AOPEP: variants seen among roughly 807,000 people sequenced by gnomAD.
The protein encoded by AOPEP is aminopeptidase O (putative).
AOPEP carries 77 observed loss-of-function variants against 98.1 expected under a neutral mutation model. The ratio of observed to expected loss-of-function variants is 0.78; its 90% CI spans 0.65 to 0.95. The LOEUF is 0.95. AOPEP is among the 40% of genes least tolerant of loss of function. The probability of loss-of-function intolerance (pLI) is 0.00; values close to 1 mark genes in which losing one functional copy is unlikely to be tolerated. For synonymous variants in AOPEP, 346 were observed against 365.3 expected (o/e 0.95, Z 0.60); for missense variants, 1,024 against 1,024.7 (o/e 1.00, Z 0.01).
chr9:95,101,807 A>G, the AOPEP span: 1 of 1,614,136 alleles, frequency 6.2e-7, no homozygotes, highest in Non-Finnish European at 8.5e-7. Context: ...GGTCTGGTCA[A>G]GAAAGCCAAT....
chr9:94,754,149 A>G (rs997186991), intron 1 of AOPEP, among the ~76,000 whole-genome samples: 1 of 152,234 alleles, frequency 6.6e-6, no homozygotes, highest in African/African-American at 2.4e-5. Context: ...ACAAAACAGT[A>G]TATTTGAACT....
chr9:95,023,610 C>T (rs921610521), intron 13 of AOPEP, among the ~76,000 whole-genome samples: 3 of 152,182 alleles, frequency 2.0e-5, no homozygotes, highest in Non-Finnish European at 4.4e-5. Context: ...GTCTGGTTAT[C>T]CACAAAAAAA....
chr9:95,094,272 G>C, the AOPEP span, among the ~76,000 whole-genome samples: 1 of 152,192 alleles, frequency 6.6e-6, no homozygotes, highest in South Asian at 2.1e-4. Context: ...AGGAGAACTG[G>C]GTGTCTGCTC....
intron 2 of AOPEP, among the ~76,000 whole-genome samples, chr9:94,768,506 C>T (rs948334230): frequency 6.6e-6 from 1 of 152,206 alleles, no homozygotes; most frequent in Non-Finnish European, 1.5e-5. Context: ...CCTAGCTGAC[C>T]TCTTACCTTG....
At chr9:95,017,694 TTTG>T (rs1264217618) in intron 13 of AOPEP, among the ~76,000 whole-genome samples, 1 of 152,108 alleles carries the variant, frequency 6.6e-6, no homozygotes, top group African/African-American at 2.4e-5. Context: ...CCACAGACAG[TTTG>T]TTGAGTTTTA....
intron 5 of AOPEP, among the ~76,000 whole-genome samples, chr9:94,804,387 AT>A (rs1461751851): frequency 2.6e-5 from 4 of 152,134 alleles, no homozygotes; most frequent in African/African-American, 9.7e-5. Flanking sequence ...TTGTATTTGA[AT>A]TTCAAGAATC....
chr9:95,026,424 A>G (rs924250326), intron 13 of AOPEP, among the ~76,000 whole-genome samples: 1 of 152,124 alleles, frequency 6.6e-6, no homozygotes, highest in East Asian at 1.9e-4. Flanking sequence ...GTTTCTGGAC[A>G]TTTCATATCA....
intron 11 of AOPEP, among the ~76,000 whole-genome samples, chr9:95,000,784 T>C (rs2132570082): frequency 6.6e-6 from 1 of 152,352 alleles, no homozygotes; most frequent in East Asian, 1.9e-4. Flanking sequence ...TCTGTTATTT[T>C]TGAAACTTAA....
intron 14 of AOPEP, among the ~76,000 whole-genome samples, chr9:95,072,701 T>G: frequency 6.6e-6 from 1 of 152,184 alleles, no homozygotes; most frequent in East Asian, 1.9e-4. Context: ...AGCTTTCCTA[T>G]TTCCAAGAAA....
the AOPEP span, among the ~76,000 whole-genome samples, chr9:95,117,005 C>G: frequency 6.6e-6 from 1 of 152,224 alleles, no homozygotes; most frequent in African/African-American, 2.4e-5. Context: ...TAGCCTGTTC[C>G]TGGCATCTGG....
At chr9:95,041,624 A>C (rs550243551) in intron 13 of AOPEP, among the ~76,000 whole-genome samples, 1 of 152,146 alleles carries the variant, frequency 6.6e-6, no homozygotes, top group Non-Finnish European at 1.5e-5. Context: ...GATGGCTTGA[A>C]TATTTCTTAC....
the AOPEP span, among the ~76,000 whole-genome samples, chr9:95,102,918 C>A: frequency 1.3e-5 from 2 of 152,348 alleles, no homozygotes; most frequent in East Asian, 3.9e-4. Context: ...GCAACGAGCC[C>A]GCCAGGGTCA....
At chr9:94,857,603 A>G (rs538712819) in intron 5 of AOPEP, among the ~76,000 whole-genome samples, 2 of 152,264 alleles carry the variant, frequency 1.3e-5, no homozygotes, top group South Asian at 4.1e-4. Context: ...ATTAAAATTT[A>G]TATTTCTACC....
chr9:95,068,125 A>C, intron 14 of AOPEP, among the ~76,000 whole-genome samples: 1 of 152,242 alleles, frequency 6.6e-6, no homozygotes, highest in East Asian at 1.9e-4. Context: ...AACTATTGTG[A>C]ATAATGCTGC....
chr9:94,836,934 TA>T (rs1395994977), intron 5 of AOPEP, among the ~76,000 whole-genome samples: 4 of 152,090 alleles, frequency 2.6e-5, no homozygotes, highest in African/African-American at 9.7e-5. Context: ...AATTATTTTT[TA>T]AAAAAATTTT....
At chr9:94,801,185 G>A (rs1027096344) in intron 5 of AOPEP, among the ~76,000 whole-genome samples, 183 bp downstream of exon 5, 6 of 152,158 alleles carry the variant, frequency 3.9e-5, no homozygotes, top group Non-Finnish European at 7.3e-5. Flanking sequence ...CCTCATGCAC[G>A]AGCCTTTGAG....
the AOPEP span, among the ~76,000 whole-genome samples, chr9:95,094,831 A>T: frequency 0.2 from 30,154 of 151,970 alleles, 3,138 homozygotes; most frequent in Middle Eastern, 0.32. Context: ...ATGCCCAGCT[A>T]ATTTTTGTAT....
chr9:95,097,835 C>T, the AOPEP span, among the ~76,000 whole-genome samples: 1 of 152,132 alleles, frequency 6.6e-6, no homozygotes, highest in Non-Finnish European at 1.5e-5. Context: ...TAGGAGGAGG[C>T]TTGAAGACAT....
In AOPEP at chr9:94,917,332, A is replaced by G. The variant is rs368838788; in HGVS notation, c.1365-6654A>G. On this transcript the variant is annotated intron_variant, in intron 5 of 16. Transcript: ENST00000375315. ...GTGGTCTCCATGTTTTGTCGTTGCC[A>G]TGCTGTTTTTCCTGCTAGCAATAGG... 6.3e-4 allele frequency among the ~76,000 whole-genome samples: 96 copies of G among 152,290 alleles called. 1 individual carries two copies. Among genetic ancestry groups the G allele is most frequent in the African/African-American group, 2.3e-3 (95 of 41,554 alleles).
Sources: allele counts gnomAD v4.1 joint callset (sites outside exome capture counted in the v4.1 genomes callset), GRCh38; gene constraint gnomAD v4.1.1; transcripts MANE v1.5; gene names NCBI Gene and HGNC (gene_info 2026-07-23, HGNC 2026-07-21).